The following CCDC187 variants were observed in gnomAD, a reference collection of about 807,000 sequenced individuals.
CCDC187 encodes coiled-coil domain-containing protein 187.
In CCDC187, 32 loss-of-function variants were observed where a neutral mutation model predicts 38.0. The observed-to-expected ratio is 0.84, with a 90% CI of 0.64 to 1.13. The LOEUF (loss-of-function observed/expected upper bound fraction) is 1.13, where lower values mean the gene tolerates loss of function less well. CCDC187 is among the 50% of genes most tolerant of loss of function. The pLI, the probability that CCDC187 is intolerant of heterozygous loss-of-function variation, is 0.00. For missense variants in CCDC187, 707 were observed against 786.8 expected (o/e 0.90, Z 1.21); for synonymous variants, 333 against 347.9 (o/e 0.96, Z 0.48).
chr9:136,254,675 G>A lies in CCDC187; in HGVS notation c.5153C>T (p.Ser1718Phe), dbSNP rs1554760037. 7.1e-6 allele frequency: 7 copies of A among 985,506 alleles called. No homozygotes were observed. The highest frequency in any genetic ancestry group is 8.4e-6 in the Non-Finnish European group (7 of 829,978). The allele number at this position is 985,506 out of a possible 1,614,324, so 61.0% of individuals were successfully genotyped here. Residue 1718 changes from serine (S) to phenylalanine (F), a missense_variant, in exon 26 of 26, where the codon TCC (serine) becomes TTC (phenylalanine). Physicochemically the swap from Ser to Phe is radical, Grantham distance 155. Transcript: ENST00000638797. ...QGRRAGPLRG[S>F]SLDTAMAEVS... ...TTCTGCCATGGCCGTGTCCAAGGAG[G>A]AGCCACGCAGGGGGCCGGCCCTGCG...
intron 7 of CCDC187, 28 bp downstream of exon 7, chr9:136,289,931 T>A: frequency 2.8e-6 from 1 of 360,418 alleles, no homozygotes; most frequent in South Asian, 1.4e-4. Context: ...CCGCCCGGCA[T>A]GTGCAGCACC....
intron 9 of CCDC187, among the ~76,000 whole-genome samples, chr9:136,282,612 A>C (rs1831071991): frequency 7.9e-5 from 12 of 152,174 alleles, no homozygotes. Context: ...GGAGTGGCTG[A>C]AGATGCTGCC....
At chr9:136,269,847 C>T (rs1051321909) in intron 14 of CCDC187, among the ~76,000 whole-genome samples, 1 of 152,106 alleles carries the variant, frequency 6.6e-6, no homozygotes, top group African/African-American at 2.4e-5. Flanking sequence ...AGTTTCGTAA[C>T]TCTATCGCAT....
rs1164304843 is a variant in CCDC187 at position 136,252,874 on chromosome 9, G to C, written c.*720C>G. On this transcript the variant is annotated 3_prime_UTR_variant, in exon 26 of 26. Transcript: ENST00000638797. ...CCAGGAGCGGCTTTCTGCCCAGTGAGCCCTCGGGCCTGGGTGGGTCCTCTA... is the reference window on the plus strand; with the variant it reads ...CCAGGAGCGGCTTTCTGCCCAGTGACCCCTCGGGCCTGGGTGGGTCCTCTA... The C allele has an allele frequency of 6.6e-6, 1 of 152,296 alleles. No homozygotes were observed. The highest frequency in any genetic ancestry group is 2.4e-5 in the African/African-American group (1 of 41,434). The allele number at this position is 152,296 out of a possible 1,614,324, so 9.4% of individuals were successfully genotyped here.
Position 136,254,469 on chromosome 9 carries a change from C to A in CCDC187, c.5359G>T (p.Ala1787Ser), listed in dbSNP as rs1478721498. The A allele has an allele frequency of 2.0e-6, 2 of 985,488 alleles. No individual in the cohort carries two copies. The highest frequency in any genetic ancestry group is 2.4e-6 in the Non-Finnish European group (2 of 829,972). The allele number at this position is 985,488 out of a possible 1,614,324, so 61.0% of individuals were successfully genotyped here. ...CTTCCAAGGCCCAGTGAGCCACCTG[C>A]AGGCAGGGAGCTCCCCGAGGCTGGC... is the stretch of plus-strand genomic sequence containing the variant. ...AKPASGSSLP[A>S]GGSLGLGSGV... The change falls in exon 26 of 26, where the codon GCA becomes TCA. Residue 1787 changes from alanine to serine, a missense_variant. Coordinates refer to ENST00000638797, the MANE Select transcript of CCDC187 (RefSeq NM_001378188.1).
intron 14 of CCDC187, among the ~76,000 whole-genome samples, chr9:136,271,332 G>A (rs531462170): frequency 1.1e-3 from 165 of 152,116 alleles, no homozygotes; most frequent in Non-Finnish European, 2.0e-3. Context: ...GACCAGCCTG[G>A]CCAACATGGT....
chr9:136,265,688 G>A (rs1830735386), intron 17 of CCDC187: 1 of 152,438 alleles, frequency 6.6e-6, no homozygotes, highest in Admixed American at 6.5e-5. Flanking sequence ...CAGGGCCACA[G>A]GGCCACCCTC....
At chr9:136,272,910 A>G (rs1363980449) in intron 14 of CCDC187, among the ~76,000 whole-genome samples, 1 of 152,166 alleles carries the variant, frequency 6.6e-6, no homozygotes, top group Non-Finnish European at 1.5e-5. Flanking sequence ...AAAATTCATG[A>G]CAACAATAAC....
chr9:136,292,597 CAGCTCTGCCGGTGA>C (rs1379211388), intron 4 of CCDC187, among the ~76,000 whole-genome samples: 4 of 152,360 alleles, frequency 2.6e-5, no homozygotes, highest in African/African-American at 9.6e-5. Context: ...ACCTGCCCCA[CAGCTCTGCCGGTGA>C]AGCTCTCAGC....
chr9:136,285,720 T>C (rs1588665063), intron 8 of CCDC187, 114 bp from the exon 9 acceptor site: 2 of 397,194 alleles, frequency 5.0e-6, no homozygotes, highest in South Asian at 2.8e-4. Context: ...GGGGTGGGGG[T>C]GTGGCAGCCT....
intron 3 of CCDC187, among the ~76,000 whole-genome samples, chr9:136,299,520 C>T (rs962993496): frequency 7.2e-5 from 11 of 152,322 alleles, no homozygotes; most frequent in East Asian, 5.8e-4. Flanking sequence ...TCTCTGGACT[C>T]GAGAGAGCCT....
intron 16 of CCDC187, chr9:136,266,759 T>G (rs1027777296): frequency 1.3e-5 from 2 of 152,234 alleles, no homozygotes; most frequent in Non-Finnish European, 2.9e-5. Context: ...CATTTGCAAG[T>G]TGAAATAGCC....
At position 136,302,911 on chromosome 9, in the gene CCDC187, C is replaced by T. The variant is rs1306420424; in HGVS notation, c.526G>A (p.Ala176Thr). Reference protein sequence around the residue: ...QGSCASLGTSAPSSASRLHKA... With the variant: ...QGSCASLGTSTPSSASRLHKA... Reference sequence around the variant, plus strand: ...TGGAGTCTGGAGGCGCTGGAGGGGGCTGAGGTGCCCAGGGACGCACAGCTC... The same window carrying T: ...TGGAGTCTGGAGGCGCTGGAGGGGGTTGAGGTGCCCAGGGACGCACAGCTC... The change falls in exon 2 of 26, where the codon GCC becomes ACC. Residue 176 changes from alanine to threonine, a missense_variant. Physicochemically the swap from Ala to Thr is moderately conservative, Grantham distance 58 (BLOSUM62 0). Coordinates refer to ENST00000638797, the MANE Select transcript of CCDC187 (RefSeq NM_001378188.1). 2.5e-6 allele frequency: 1 copy of T among 398,606 alleles called. No homozygotes were observed. Among genetic ancestry groups the T allele is most frequent in the Non-Finnish European group, 4.4e-6 (1 of 226,146 alleles). The allele number at this position is 398,606 out of a possible 1,614,324, so 24.7% of individuals were successfully genotyped here.
intron 3 of CCDC187, among the ~76,000 whole-genome samples, chr9:136,299,990 T>C (rs915932987): frequency 1.8e-3 from 271 of 152,350 alleles, no homozygotes; most frequent in African/African-American, 6.3e-3. Context: ...TCAGCTCCCC[T>C]GCCCTGCAGG....
chr9:136,269,174 G>C (rs1306650582), intron 14 of CCDC187, among the ~76,000 whole-genome samples: 1 of 152,218 alleles, frequency 6.6e-6, no homozygotes. Flanking sequence ...TAGTCAGGCT[G>C]GAGGACCTTA....
intron 10 of CCDC187, among the ~76,000 whole-genome samples, 188 bp from the exon 11 acceptor site, chr9:136,276,915 C>T (rs1830943441): frequency 6.6e-6 from 1 of 152,122 alleles, no homozygotes; most frequent in South Asian, 2.1e-4. Flanking sequence ...ACTCCATCAA[C>T]AAGAGCCCCT....
chr9:136,293,373 A>T (rs1176554630), intron 4 of CCDC187, among the ~76,000 whole-genome samples: 1 of 138,948 alleles, frequency 7.2e-6, no homozygotes, highest in African/African-American at 2.7e-5. Context: ...ACATGCTCAC[A>T]CACTCACACT....
At chr9:136,268,897 G>A (rs1433289486) in intron 14 of CCDC187, among the ~76,000 whole-genome samples, 1 of 152,202 alleles carries the variant, frequency 6.6e-6, no homozygotes, top group Admixed American at 6.5e-5. Context: ...AGGCTATGGT[G>A]AGGGAGGGGA....
At chr9:136,259,987 G>A (rs1055924118) in intron 20 of CCDC187, 132 bp downstream of exon 20, 16 of 760,300 alleles carry the variant, frequency 2.1e-5, no homozygotes, top group African/African-American at 9.5e-5. Flanking sequence ...GGGGTGGCCC[G>A]GTCACAGGCG....
Sources: allele counts gnomAD v4.1 joint callset (sites outside exome capture counted in the v4.1 genomes callset), GRCh38; gene constraint gnomAD v4.1.1; transcripts MANE v1.5; gene names NCBI Gene and HGNC (gene_info 2026-07-23, HGNC 2026-07-21).